The following RAD21 variants were observed in gnomAD, a reference collection of about 807,000 sequenced individuals.
RAD21 encodes double-strand-break repair protein rad21 homolog.
In RAD21, 18 loss-of-function variants were observed where a neutral mutation model predicts 71.5. The observed-to-expected ratio is 0.25, with a 90% CI of 0.17 to 0.37. The LOEUF (loss-of-function observed/expected upper bound fraction) is 0.37, where lower values mean the gene tolerates loss of function less well. Ranked by LOEUF, RAD21 falls within the 10% of genes least tolerant of loss-of-function variation. The pLI, the probability that RAD21 is intolerant of heterozygous loss-of-function variation, is 1.00. For missense variants in RAD21, 493 were observed against 769.1 expected, an observed-to-expected ratio of 0.64 and a Z score of 4.25; for synonymous variants, 248 against 254.0, an observed-to-expected ratio of 0.98 and a Z score of 0.22.
At chr8:116,850,575 A>C (rs777181851) in intron 12 of RAD21, 43 bp downstream of exon 12, 10 of 1,592,008 alleles carry the variant, frequency 6.3e-6, no homozygotes, top group Non-Finnish European at 8.6e-6. Context: ...AGCTGGTTGG[A>C]GGTTTTTGCT....
Position 116,854,438 on chromosome 8 carries a change from T to C in RAD21, c.968A>G (p.Lys323Arg). Residue 323 changes from lysine to arginine, a missense_variant, in exon 9 of 14, where the codon AAG (lysine) becomes AGG (arginine). Transcript: ENST00000297338. Reference sequence around the variant, plus strand: ...CTCTTTGACACTGTCAACAATTAGCTTCCTCTTCCTCTTGGCTTTTGTTTC... The same window carrying C: ...CTCTTTGACACTGTCAACAATTAGCCTCCTCTTCCTCTTGGCTTTTGTTTC... ...VKETKAKRKRKLIVDSVKELD... is the reference protein window; with the variant it reads ...VKETKAKRKRRLIVDSVKELD... 1 of 1,613,670 alleles carries C rather than the reference T, an allele frequency of 6.2e-7. No individual in the cohort carries two copies. Among genetic ancestry groups the C allele is most frequent in the African/African-American group, 1.3e-5 (1 of 74,974 alleles).
Position 116,857,454 on chromosome 8 carries a change from A to T in RAD21, c.501T>A (p.Asp167Glu). Reference sequence around the variant, plus strand: ...CACTGCCTTCTCTCATTATCTCACGATCATCCATTCCAAAATCACCTAAAC... The same window carrying T: ...CACTGCCTTCTCTCATTATCTCACGTTCATCCATTCCAAAATCACCTAAAC... ...ENDFGDFGMD[D>E]REIMREGSAF... is the part of the protein sequence containing the mutation. Residue 167 changes from aspartate (D) to glutamate (E), a missense_variant, in exon 6 of 14, where the codon GAT (aspartate) becomes GAA (glutamate). By Grantham distance (45) the Asp-to-Glu change is conservative (BLOSUM62 2). Around this residue, in one of 5 missense-constraint regions of RAD21, gnomAD observed 165 missense variants for 229.6 expected, o/e 0.72. Coordinates refer to ENST00000297338, the MANE Select transcript of RAD21 (RefSeq NM_006265.3). 1 of 1,613,178 alleles carries T rather than the reference A, an allele frequency of 6.2e-7. No homozygotes were observed. Among genetic ancestry groups the T allele is most frequent in the Non-Finnish European group, 8.5e-7 (1 of 1,179,612 alleles).
In RAD21 at chr8:116,874,723, CCCG is replaced by C. The variant is rs1412400165; in HGVS notation, c.-148_-146del. 1.1e-5 allele frequency: 5 copies of C among 451,198 alleles called. No homozygotes were observed. The highest frequency in any genetic ancestry group is 7.3e-4 in the Middle Eastern group (2 of 2,724). The allele number at this position is 451,198 out of a possible 1,614,324, so 27.9% of individuals were successfully genotyped here. On this transcript the variant is annotated 5_prime_UTR_variant, in exon 1 of 14. Coordinates refer to ENST00000297338, the MANE Select transcript of RAD21 (RefSeq NM_006265.3). The stretch of plus-strand genomic sequence containing the variant: ...TGCGAGGTGTAGCTTCCGAGCAGCT[CCCG>C]CCGCCGCCACAGCCGGCGCCTCCTT...
chr8:116,866,806 T>C lies in RAD21; in HGVS notation c.-32-45A>G, dbSNP rs1232196415. Reference sequence around the variant, plus strand: ...TTAATGTAAACATCATCTGACAATTTAAATACTTATCAAGACATAAGAAAT... The same window carrying C: ...TTAATGTAAACATCATCTGACAATTCAAATACTTATCAAGACATAAGAAAT... On this transcript the variant is annotated intron_variant, in intron 1 of 13. Coordinates refer to ENST00000297338, the MANE Select transcript of RAD21 (RefSeq NM_006265.3). 7.5e-6 allele frequency: 10 copies of C among 1,332,720 alleles called. No homozygotes were observed. In the African/African-American group the frequency reaches 1.3e-4, roughly 18 times the overall value. The allele number at this position is 1,332,720 out of a possible 1,614,324, so 82.6% of individuals were successfully genotyped here.
chr8:116,872,389 G>T lies in RAD21; in HGVS notation c.-33+2222C>A, dbSNP rs1175942013. On this transcript the variant is annotated intron_variant, in intron 1 of 13. Transcript: ENST00000297338. ...AAAAGTTGGAGTTTTAAAAAAGAAT[G>T]CTCTTTCTCTATATATTTACGAGTT... Among the ~76,000 whole-genome samples the T allele has an allele frequency of 3.9e-5, 6 of 152,172 alleles. No homozygotes were observed. In the South Asian group the frequency reaches 1.2e-3, roughly 32 times the overall value.
chr8:116,870,402 T>C lies in RAD21; in HGVS notation c.-32-3641A>G, dbSNP rs1301080226. Among the ~76,000 whole-genome samples, 3 of 152,202 alleles carry C rather than the reference T, an allele frequency of 2.0e-5. No homozygotes were observed. The East Asian group carries it at 5.8e-4, about 29-fold the overall frequency. On this transcript the variant is annotated intron_variant, in intron 1 of 13. Transcript: ENST00000297338. ...GAAATTAAAGAATGAAGAAATACTA[T>C]ATTCTATACTAAGAACTCAGACAAA...
intron 1 of RAD21, chr8:116,874,168 G>GGGCCCGCCACCGCCTCCTCCC (rs1264349900): frequency 6.6e-6 from 1 of 150,486 alleles, no homozygotes; most frequent in Non-Finnish European, 1.5e-5. Context: ...CGCGGGCGCC[G>GGGCCCGCCACCGCCTCCTCCC]GGCCCGCCAC....
chr8:116,862,075 G>T, intron 3 of RAD21, 135 bp from the exon 4 acceptor site: 1 of 590,020 alleles, frequency 1.7e-6, no homozygotes, highest in Non-Finnish European at 3.0e-6. Context: ...ATACCTTGAA[G>T]CACAAGTACT....
At chr8:116,871,280 G>GA in intron 1 of RAD21, among the ~76,000 whole-genome samples, 1 of 152,196 alleles carries the variant, frequency 6.6e-6, no homozygotes, top group East Asian at 1.9e-4. Context: ...ACCCTGTGCA[G>GA]AAAATCTGCA....
At chr8:116,866,794 C>A in intron 1 of RAD21, 33 bp from the exon 2 acceptor site, 1 of 1,424,076 alleles carries the variant, frequency 7.0e-7, no homozygotes. Flanking sequence ...ATGTAAACAT[C>A]ATCTGACAAT....
chr8:116,858,310 A>G (rs898395327), intron 5 of RAD21, 42 bp downstream of exon 5: 10 of 1,455,054 alleles, frequency 6.9e-6, no homozygotes, highest in South Asian at 4.6e-5. Flanking sequence ...GCAACACAAT[A>G]TAACATTATA....
chr8:116,863,598 T>C (rs1368224620), intron 2 of RAD21, among the ~76,000 whole-genome samples: 1 of 152,106 alleles, frequency 6.6e-6, no homozygotes, highest in African/African-American at 2.4e-5. Context: ...GTCCCCCACA[T>C]TGACAGATGT....
At chr8:116,855,880 C>T (rs1812451712) in intron 8 of RAD21, among the ~76,000 whole-genome samples, 1 of 152,112 alleles carries the variant, frequency 6.6e-6, no homozygotes, top group Non-Finnish European at 1.5e-5. Flanking sequence ...TATCAGAAAG[C>T]TTGTTCTATA....
chr8:116,870,491 T>C (rs1042388348), intron 1 of RAD21, among the ~76,000 whole-genome samples: 1 of 152,250 alleles, frequency 6.6e-6, no homozygotes, highest in African/African-American at 2.4e-5. Context: ...TTTGTTATTT[T>C]ATAGATTAAA....
At chr8:116,852,966 C>T (rs1812386116) in intron 9 of RAD21, among the ~76,000 whole-genome samples, 3 of 152,130 alleles carry the variant, frequency 2.0e-5, no homozygotes, top group African/African-American at 7.2e-5. Flanking sequence ...TATTTATCTG[C>T]CTGCAGTTTA....
chr8:116,846,013 G>A lies in RAD21; in HGVS notation c.*1487C>T, dbSNP rs532849202. On this transcript the variant is annotated 3_prime_UTR_variant, in exon 14 of 14. Transcript: ENST00000297338. ...TATTTTCAAGAACAATATTAAACCC[G>A]ATAAGCAACAAAAACCAGACTAACA... 3 of 230,102 alleles carry A rather than the reference G, an allele frequency of 1.3e-5. No individual in the cohort carries two copies. Among genetic ancestry groups the A allele is most frequent in the African/African-American group, 6.6e-5 (3 of 45,264 alleles). The allele number at this position is 230,102 out of a possible 1,614,324, so 14.3% of individuals were successfully genotyped here.
chr8:116,872,346 T>TCTC (rs1338679668), intron 1 of RAD21, among the ~76,000 whole-genome samples: 3 of 151,988 alleles, frequency 2.0e-5, no homozygotes, highest in Non-Finnish European at 4.4e-5. Flanking sequence ...ACATGGAAAA[T>TCTC]CTCCAGGTTA....
intron 1 of RAD21, among the ~76,000 whole-genome samples, chr8:116,871,334 A>G (rs1477007314): frequency 6.6e-6 from 1 of 152,136 alleles, no homozygotes; most frequent in East Asian, 1.9e-4. Flanking sequence ...TTTGAGAATC[A>G]TTTTTTTCTA....
Position 116,850,778 on chromosome 8 carries a change from T to C in RAD21, c.1471-11A>G, listed in dbSNP as rs112473657. Reference sequence around the variant, plus strand: ...CTCTACCTGCTGAGGCTTAAAGCAATACAAATAAGACAATTTAAGATATAT... The same window carrying C: ...CTCTACCTGCTGAGGCTTAAAGCAACACAAATAAGACAATTTAAGATATAT... On this transcript the variant is annotated splice_polypyrimidine_tract_variant and intron_variant, in intron 11 of 13. Transcript: ENST00000297338. The C allele has an allele frequency of 1.1e-4, 169 of 1,524,670 alleles. No homozygotes were observed. In the African/African-American group the frequency reaches 2.1e-3, roughly 19 times the overall value. 94.4% of individuals were successfully genotyped at this position (1,524,670 alleles called of 1,614,324 possible). A position where few individuals can be genotyped will look rare whatever the true frequency, so the allele number is the denominator to read the frequency against.
Sources: allele counts gnomAD v4.1 joint callset (sites outside exome capture counted in the v4.1 genomes callset), GRCh38; gene constraint gnomAD v4.1.1; regional missense constraint gnomAD v4.1.1; transcripts MANE v1.5; gene names NCBI Gene and HGNC (gene_info 2026-07-23, HGNC 2026-07-21).